Variants in INTS7 observed in about 807,000 individuals in gnomAD.
The protein encoded by INTS7 is integrator complex subunit 7, also known as chromosome 1 open reading frame 73.
A neutral mutation model predicts 109.2 loss-of-function variants in INTS7; 46 were observed. That is an observed-to-expected ratio of 0.42 (90% confidence interval 0.33 to 0.54). The LOEUF is 0.54. Ranked by LOEUF, INTS7 falls within the 20% of genes least tolerant of loss-of-function variation. The pLI, the probability that INTS7 is intolerant of heterozygous loss-of-function variation, is 0.07. For synonymous variants in INTS7, 412 were observed against 402.9 expected, an observed-to-expected ratio of 1.02 and a Z score of -0.27; for missense variants, 929 against 1,132.4, an observed-to-expected ratio of 0.82 and a Z score of 2.58.
intron 8 of INTS7, 63 bp from the exon 9 acceptor site, chr1:211,982,873 A>C: frequency 3.3e-5 from 44 of 1,315,436 alleles, no homozygotes; most frequent in Non-Finnish European, 4.0e-5. Flanking sequence ...AGTTCAGCTC[A>C]TAGGTTCAAT....
At chr1:212,033,348 T>C (rs1018590861) in intron 1 of INTS7, among the ~76,000 whole-genome samples, 3 of 152,226 alleles carry the variant, frequency 2.0e-5, no homozygotes, top group Non-Finnish European at 4.4e-5. Flanking sequence ...CTAACAGCTT[T>C]AAAAGTTACT....
chr1:212,004,174 T>C (rs1296940876), intron 7 of INTS7, among the ~76,000 whole-genome samples: 2 of 152,090 alleles, frequency 1.3e-5, no homozygotes, highest in Admixed American at 1.3e-4. Context: ...ATGACGATTC[T>C]CTACTAAAAA....
In INTS7 at chr1:211,967,880, T is replaced by G. The variant is rs748077481; in HGVS notation, c.2112A>C (p.Glu704Asp). ...DADSATLRNV[E>D]LQQQSCLLIS... is the part of the protein sequence containing the mutation. ...GTACTAGGGCAAGCTTGGGATACAG[T>G]TCAACATTCCTCAAAGTTGCTGAGT... The change falls in exon 15 of 20, where the codon GAA becomes GAC. Residue 704 changes from glutamate (E) to aspartate (D), a missense_variant and splice_region_variant. Glu to Asp is a conservative substitution (Grantham distance 45). Around this residue, in one of 2 missense-constraint regions of INTS7, gnomAD observed 787 missense variants for 901.1 expected, o/e 0.87. Transcript: ENST00000366994. 1.3e-6 allele frequency: 2 copies of G among 1,572,036 alleles called. No homozygotes were observed. The highest frequency in any genetic ancestry group is 1.7e-6 in the Non-Finnish European group (2 of 1,145,526).
intron 5 of INTS7, among the ~76,000 whole-genome samples, chr1:212,007,780 T>C (rs915129994): frequency 4.6e-5 from 7 of 152,194 alleles, no homozygotes; most frequent in African/African-American, 9.6e-5. Context: ...TATACATATA[T>C]ATACACAAAC....
chr1:211,996,978 C>T (rs1053183379), intron 7 of INTS7, among the ~76,000 whole-genome samples: 13 of 151,464 alleles, frequency 8.6e-5, no homozygotes, highest in Admixed American at 3.3e-4. Flanking sequence ...GAGCCGTGAT[C>T]GCACCACTGC....
At chr1:212,019,257 T>TAAAC (rs1666586365) in intron 3 of INTS7, among the ~76,000 whole-genome samples, 1 of 152,006 alleles carries the variant, frequency 6.6e-6, no homozygotes, top group South Asian at 2.1e-4. Context: ...TCTCAATAAA[T>TAAAC]AAATTAATTA....
chr1:211,971,702 G>C (rs1166422946), intron 13 of INTS7, among the ~76,000 whole-genome samples: 1 of 152,118 alleles, frequency 6.6e-6, no homozygotes, highest in Non-Finnish European at 1.5e-5. Context: ...GATCACCTTA[G>C]GTCAGGAGTT....
rs191979302 is a variant in INTS7, at chr1:212,026,074, G to C, written c.95-4862C>G. Among the ~76,000 whole-genome samples, 4 of 152,158 alleles carry C rather than the reference G, an allele frequency of 2.6e-5. No homozygotes were observed. The East Asian group carries it at 5.8e-4, about 22-fold the overall frequency. On this transcript the variant is annotated intron_variant, in intron 1 of 19. Transcript: ENST00000366994. ...TGAGGCATGAGAACTGCTTGAACTC[G>C]GGAGGCGGAGGTTGCAGTGAGCCAA... is the stretch of plus-strand genomic sequence containing the variant.
intron 1 of INTS7, among the ~76,000 whole-genome samples, chr1:212,021,452 A>G (rs567922544): frequency 1.3e-5 from 2 of 152,276 alleles, no homozygotes; most frequent in South Asian, 4.1e-4. Context: ...AGTTAAGAAT[A>G]TTCAAAGCCA....
chr1:211,999,544 G>T (rs200244803), intron 7 of INTS7, among the ~76,000 whole-genome samples: 4 of 152,080 alleles, frequency 2.6e-5, no homozygotes, highest in Non-Finnish European at 5.9e-5. Context: ...TTGTACATTT[G>T]TAAAAACTCA....
chr1:211,981,235 TACAA>T, intron 9 of INTS7, 45 bp from the exon 10 acceptor site: 32 of 1,233,186 alleles, frequency 2.6e-5, no homozygotes, highest in Non-Finnish European at 3.7e-5. Context: ...GTGATGTGTG[TACAA>T]ACACACACAC....
At chr1:212,018,096 T>A (rs1182801180) in intron 3 of INTS7, among the ~76,000 whole-genome samples, 31 of 152,178 alleles carry the variant, frequency 2.0e-4, no homozygotes, top group Admixed American at 2.0e-3. Context: ...AGGTCCTATA[T>A]GGCAAACCTC....
At chr1:211,948,778 G>A (rs1662954394) in intron 17 of INTS7, among the ~76,000 whole-genome samples, 1 of 152,230 alleles carries the variant, frequency 6.6e-6, no homozygotes, top group African/African-American at 2.4e-5. Context: ...CACAATCTCG[G>A]CTCACTGCAC....
chr1:212,001,623 C>T (rs1426765350), intron 7 of INTS7, among the ~76,000 whole-genome samples: 1 of 152,140 alleles, frequency 6.6e-6, no homozygotes, highest in Non-Finnish European at 1.5e-5. Context: ...CTCCTGTTTT[C>T]CTGCAGAATC....
intron 7 of INTS7, among the ~76,000 whole-genome samples, chr1:212,001,570 C>A (rs951745843): frequency 4.6e-5 from 7 of 152,178 alleles, no homozygotes; most frequent in African/African-American, 1.7e-4. Flanking sequence ...CAATCTCCAG[C>A]GGATACTGAG....
intron 8 of INTS7, 86 bp downstream of exon 8, chr1:211,987,800 G>C (rs1664959637): frequency 4.2e-6 from 3 of 716,440 alleles, no homozygotes; most frequent in Non-Finnish European, 6.8e-6. Flanking sequence ...TGATGTTAAA[G>C]CTTTATAGAA....
intron 16 of INTS7, among the ~76,000 whole-genome samples, chr1:211,963,491 C>T (rs542712560): frequency 3.9e-5 from 6 of 152,196 alleles, no homozygotes; most frequent in South Asian, 4.2e-4. Flanking sequence ...AACTCATCTA[C>T]GAGGCCAGCA....
At chr1:211,974,877 CTGGA>C (rs1664350808) in intron 13 of INTS7, among the ~76,000 whole-genome samples, 1 of 152,126 alleles carries the variant, frequency 6.6e-6, no homozygotes, top group South Asian at 2.1e-4. Context: ...TGCACACAGG[CTGGA>C]ATCTTAGTCT....
At chr1:211,999,381 ATG>A (rs1400399689) in intron 7 of INTS7, among the ~76,000 whole-genome samples, 1 of 152,214 alleles carries the variant, frequency 6.6e-6, no homozygotes, top group Non-Finnish European at 1.5e-5. Flanking sequence ...CACATACCAT[ATG>A]ATTCTATTTA....
Sources: allele counts gnomAD v4.1 joint callset (sites outside exome capture counted in the v4.1 genomes callset), GRCh38; gene constraint gnomAD v4.1.1; regional missense constraint gnomAD v4.1.1; transcripts MANE v1.5; gene names NCBI Gene and HGNC (gene_info 2026-07-23, HGNC 2026-07-21).